The following XPR1 variants were observed in gnomAD, a reference collection of about 807,000 sequenced individuals.
The protein encoded by XPR1 is xenotropic and polytropic retrovirus receptor 1.
A neutral mutation model predicts 87.5 loss-of-function variants in XPR1; 28 were observed. The observed-to-expected ratio is 0.32, with a 90% CI of 0.24 to 0.44. XPR1 has a LOEUF of 0.44. Ranked by LOEUF, XPR1 falls within the 20% of genes least tolerant of loss-of-function variation. XPR1 has a pLI of 1.00. For missense variants in XPR1, 559 were observed against 862.3 expected (o/e 0.65, Z 4.41); for synonymous variants, 300 against 306.1 (o/e 0.98, Z 0.21).
intron 10 of XPR1, among the ~76,000 whole-genome samples, chr1:180,835,423 G>A (rs1218802198): frequency 1.3e-5 from 2 of 152,158 alleles, no homozygotes; most frequent in Non-Finnish European, 2.9e-5. Flanking sequence ...AATAGATCAA[G>A]TGCTTTGAGA....
At chr1:180,882,746 T>A (rs915261329) in intron 14 of XPR1, among the ~76,000 whole-genome samples, 15 of 152,216 alleles carry the variant, frequency 9.9e-5, no homozygotes, top group Admixed American at 8.5e-4. Context: ...CTTTAACAAT[T>A]TGATCCTATT....
intron 11 of XPR1, among the ~76,000 whole-genome samples, chr1:180,848,577 T>A (rs188118611): frequency 3.9e-5 from 6 of 152,174 alleles, no homozygotes; most frequent in Admixed American, 6.5e-5. Context: ...TGGACACTTA[T>A]GTTGATTTTT....
intron 11 of XPR1, among the ~76,000 whole-genome samples, chr1:180,856,812 C>A (rs1477115325): frequency 6.6e-6 from 1 of 152,216 alleles, no homozygotes; most frequent in East Asian, 1.9e-4. Context: ...TTGCCACAGC[C>A]ATATTAATAC....
rs776508364 is a variant in XPR1 at position 180,824,813 on chromosome 1, G to C, written c.824G>C (p.Gly275Ala). Residue 275 changes from glycine to alanine, a missense_variant, in exon 8 of 15, where the codon GGC becomes GCC. Transcript: ENST00000367590. The part of the protein sequence containing the change: ...IWPLIRIYRG[G>A]FLLIEFLFLL... ...CCCTTGATAAGAATCTATCGGGGTG[G>C]CTTTCTTCTGATTGAATTCCTTTTT... The C allele has an allele frequency of 6.8e-6, 11 of 1,614,040 alleles. No individual in the cohort carries two copies. The highest frequency in any genetic ancestry group is 8.5e-6 in the Non-Finnish European group (10 of 1,179,974).
At chr1:180,883,218 A>G (rs1326285977) in intron 14 of XPR1, among the ~76,000 whole-genome samples, 1 of 144,052 alleles carries the variant, frequency 6.9e-6, no homozygotes, top group East Asian at 2.0e-4. Context: ...CTCTTATGTC[A>G]GCCTCCCAAG....
intron 1 of XPR1, among the ~76,000 whole-genome samples, chr1:180,656,616 ATATTTTATATATGTATGTATAATATAT>A (rs1557941820): frequency 6.6e-5 from 7 of 106,602 alleles, no homozygotes; most frequent in African/African-American, 7.6e-5. Flanking sequence ...TATGTATAAT[ATATTTTATATATGTATGTATAATATAT>A]TATTATATAT....
chr1:180,682,063 A>T (rs1656595617), intron 1 of XPR1, among the ~76,000 whole-genome samples: 1 of 152,000 alleles, frequency 6.6e-6, no homozygotes, highest in Admixed American at 6.6e-5. Context: ...TGTTTTCTTC[A>T]GTGTTTTTTC....
chr1:180,770,824 G>A (rs960415776), intron 2 of XPR1, among the ~76,000 whole-genome samples: 5 of 151,868 alleles, frequency 3.3e-5, no homozygotes, highest in Non-Finnish European at 7.4e-5. Flanking sequence ...CTTTCATTTG[G>A]TATTGTTAAT....
chr1:180,637,494 A>G (rs894255429), intron 1 of XPR1, among the ~76,000 whole-genome samples: 5 of 152,200 alleles, frequency 3.3e-5, no homozygotes, highest in African/African-American at 1.2e-4. Flanking sequence ...AGATAAAAAC[A>G]ATAACACTTT....
In XPR1 at chr1:180,656,464, T is replaced by TA. The variant is rs1402528975; in HGVS notation, c.69+24196dup. Among the ~76,000 whole-genome samples, 474 of 58,244 alleles carry TA rather than the reference T, an allele frequency of 8.1e-3. 80 individuals are homozygous for TA. Among genetic ancestry groups the TA allele is most frequent in the African/African-American group, 0.039 (462 of 11,848 alleles). 38.2% of individuals were successfully genotyped at this position (58,244 alleles called of 152,430 possible). On this transcript the variant is annotated intron_variant, in intron 1 of 14. Coordinates refer to ENST00000367590, the MANE Select transcript of XPR1 (RefSeq NM_004736.4). ...ATATAAATATTTATATATTTATATATAATATTTATACATTATATATAATAT... is the reference window on the plus strand; with the variant it reads ...ATATAAATATTTATATATTTATATATAAATATTTATACATTATATATAATAT...
intron 11 of XPR1, 127 bp from the exon 12 acceptor site, chr1:180,863,581 C>T (rs1281678427): frequency 1.6e-5 from 12 of 728,268 alleles, no homozygotes; most frequent in East Asian, 6.0e-5. Flanking sequence ...GATCTTCCTA[C>T]GATCTGTTTA....
At chr1:180,853,626 GACACACACAC>G (rs143320476) in intron 11 of XPR1, among the ~76,000 whole-genome samples, 84 of 140,328 alleles carry the variant, frequency 6.0e-4, no homozygotes, top group African/African-American at 1.4e-3. Context: ...TTAGACTATA[GACACACACAC>G]ACACACACAC....
rs555090252 is a variant in XPR1, at chr1:180,735,752, G to A, written c.122-52001G>A. Among the ~76,000 whole-genome samples the A allele has an allele frequency of 4.1e-4, 63 of 152,170 alleles. No homozygotes were observed. The South Asian group carries it at 4.6e-3, about 11-fold the overall frequency. ...CACAAGTTTCATTATAATTTCCACC[G>A]TATCCTAATTATTTGACAATTTGTA... is the stretch of plus-strand genomic sequence containing the variant. On this transcript the variant is annotated intron_variant, in intron 2 of 14. Transcript: ENST00000367590.
rs1647604825 is a variant in XPR1 at position 180,753,367 on chromosome 1, C to G, written c.122-34386C>G. Among the ~76,000 whole-genome samples, 5 of 152,050 alleles carry G rather than the reference C, an allele frequency of 3.3e-5. No homozygotes were observed. The South Asian group carries it at 6.2e-4, about 19-fold the overall frequency. On this transcript the variant is annotated intron_variant, in intron 2 of 14. Coordinates refer to ENST00000367590, the MANE Select transcript of XPR1 (RefSeq NM_004736.4). Reference sequence around the variant, plus strand: ...ATCGCTTGAACTCGGAAGTTCAAGACCAGCCTGCGCAACGTGGTAAAACCC... The same window carrying G: ...ATCGCTTGAACTCGGAAGTTCAAGAGCAGCCTGCGCAACGTGGTAAAACCC...
chr1:180,878,225 C>A (rs529819422), intron 13 of XPR1: 1 of 152,300 alleles, frequency 6.6e-6, no homozygotes, highest in East Asian at 1.9e-4. Flanking sequence ...TGACGATTTT[C>A]TTTTTAAAAT....
At chr1:180,651,413 A>T (rs528113022) in intron 1 of XPR1, among the ~76,000 whole-genome samples, 2 of 152,076 alleles carry the variant, frequency 1.3e-5, no homozygotes, top group Non-Finnish European at 2.9e-5. Context: ...CTTAAACAAC[A>T]TTGTGATAAG....
chr1:180,703,037 T>C (rs987926175), intron 2 of XPR1, among the ~76,000 whole-genome samples: 9 of 152,162 alleles, frequency 5.9e-5, no homozygotes, highest in African/African-American at 2.2e-4. Flanking sequence ...CTGAATTATT[T>C]ATGTAGCTTT....
At chr1:180,666,111 C>T (rs945920461) in intron 1 of XPR1, among the ~76,000 whole-genome samples, 5 of 152,032 alleles carry the variant, frequency 3.3e-5, no homozygotes, top group Non-Finnish European at 5.9e-5. Flanking sequence ...TTTATTTGAC[C>T]GTATATAGGA....
chr1:180,778,568 A>G (rs1648810010), intron 2 of XPR1, among the ~76,000 whole-genome samples: 1 of 152,166 alleles, frequency 6.6e-6, no homozygotes, highest in Non-Finnish European at 1.5e-5. Context: ...AATATTTAGC[A>G]GCATCCTTGA....
Sources: allele counts gnomAD v4.1 joint callset (sites outside exome capture counted in the v4.1 genomes callset), GRCh38; gene constraint gnomAD v4.1.1; transcripts MANE v1.5; gene names NCBI Gene and HGNC (gene_info 2026-07-23, HGNC 2026-07-21).